Variants in USP24 observed in about 807,000 individuals in gnomAD.
USP24 encodes ubiquitin carboxyl-terminal hydrolase 24.
USP24 carries 97 observed loss-of-function variants against 361.6 expected under a neutral mutation model. The observed-to-expected ratio is 0.27, with a 90% confidence interval of 0.23 to 0.32. The LOEUF (loss-of-function observed/expected upper bound fraction) is 0.32, where lower values mean the gene tolerates loss of function less well. USP24 is among the 10% of genes least tolerant of loss of function. The pLI, the probability that USP24 is intolerant of heterozygous loss-of-function variation, is 1.00. For missense variants in USP24, 2,353 were observed against 3,165.6 expected (o/e 0.74, Z 6.16); for synonymous variants, 1,098 against 1,124.6 (o/e 0.98, Z 0.47).
intron 38 of USP24, among the ~76,000 whole-genome samples, chr1:55,116,749 T>C (rs1162015677): frequency 1.3e-5 from 2 of 151,380 alleles, no homozygotes; most frequent in Non-Finnish European, 2.9e-5. Flanking sequence ...CCAGATGGCT[T>C]CACTGGTGAA....
intron 44 of USP24, 63 bp from the exon 45 acceptor site, chr1:55,099,932 G>A (rs1645590244): frequency 3.2e-6 from 4 of 1,254,458 alleles, no homozygotes; most frequent in Non-Finnish European, 4.5e-6. Context: ...TGGTAGAAAG[G>A]GAACATGAAA....
intron 1 of USP24, among the ~76,000 whole-genome samples, chr1:55,180,447 A>G (rs1205005350): frequency 6.6e-6 from 1 of 152,136 alleles, no homozygotes; most frequent in Non-Finnish European, 1.5e-5. Context: ...CCAGCCCCTG[A>G]AGGCCAGAGG....
intron 32 of USP24, among the ~76,000 whole-genome samples, chr1:55,126,969 C>G (rs962694819): frequency 2.0e-5 from 3 of 152,172 alleles, no homozygotes; most frequent in African/African-American, 7.2e-5. Flanking sequence ...TTTCTTTTAT[C>G]TTTATTCTTT....
At chr1:55,187,916 G>GACAA (rs1165647696) in intron 1 of USP24, among the ~76,000 whole-genome samples, 1 of 151,984 alleles carries the variant, frequency 6.6e-6, no homozygotes, top group Non-Finnish European at 1.5e-5. Flanking sequence ...TGCAAAAAAC[G>GACAA]ACAATCTAAC....
chr1:55,183,148 T>A (rs991164960), intron 1 of USP24, among the ~76,000 whole-genome samples: 10 of 152,162 alleles, frequency 6.6e-5, no homozygotes, highest in Non-Finnish European at 1.3e-4. Context: ...AAACAGAAAT[T>A]ATTATGTGTT....
In USP24 at chr1:55,100,944, A is replaced by T. The variant is rs758709188; in HGVS notation, c.5166T>A (p.Asp1722Glu). ...CGCTATCATCTGGATTGTCTGTGTC[A>T]TCATCCACTGAAAGTAATGACTGCA... ...GLPESLLSVD[D>E]DTDNPDDSVF... Residue 1722 changes from aspartate to glutamate, a missense_variant, in exon 44 of 68, where the codon GAT (aspartate) becomes GAA (glutamate). Coordinates refer to ENST00000294383, the MANE Select transcript of USP24 (RefSeq NM_015306.3). 3.7e-6 allele frequency: 6 copies of T among 1,611,898 alleles called. No individual in the cohort carries two copies. Among genetic ancestry groups the T allele is most frequent in the Middle Eastern group, 1.7e-4 (1 of 6,056 alleles).
chr1:55,076,386 A>G (rs1191921071), intron 62 of USP24, among the ~76,000 whole-genome samples: 1 of 152,248 alleles, frequency 6.6e-6, no homozygotes, highest in Non-Finnish European at 1.5e-5. Flanking sequence ...CTTGAAAAAT[A>G]AGCTTTTAAC....
intron 1 of USP24, among the ~76,000 whole-genome samples, chr1:55,199,556 T>C (rs1350704173): frequency 6.6e-6 from 1 of 151,922 alleles, no homozygotes; most frequent in Admixed American, 6.6e-5. Context: ...TGTCTTGACA[T>C]TTGCAACTTA....
chr1:55,199,588 AGTGTGTGTGTGTGT>A (rs55710750), intron 1 of USP24, among the ~76,000 whole-genome samples: 1 of 146,386 alleles, frequency 6.8e-6, no homozygotes, highest in South Asian at 2.2e-4. Context: ...GTTCAGAAAA[AGTGTGTGTGTGTGT>A]GTGTGTGTGT....
Position 55,214,903 on chromosome 1 carries a change from G to T in USP24, c.211C>A (p.Arg71=). 7.8e-7 allele frequency: 1 copy of T among 1,275,832 alleles called. No individual in the cohort carries two copies. 79.0% of individuals were successfully genotyped at this position (1,275,832 alleles called of 1,614,324 possible). A position where few individuals can be genotyped will look rare whatever the true frequency, so the allele number is the denominator to read the frequency against. Residue 71 remains arginine (R), a synonymous_variant, in exon 1 of 68, where the codon CGG becomes AGG. Transcript: ENST00000294383. ...CCGCCGTCACCTCCGCCGTCGCCCC[G>T]CGGGCCCCCGCCGGGCCCGGGGCTG... The part of the protein sequence containing the change: ...GPSPGPGGGP[R]GDGGGDGGGG...
Position 55,143,535 on chromosome 1 carries a change from A to G in USP24, c.2440-416T>C, listed in dbSNP as rs376454466. Among the ~76,000 whole-genome samples, 140 of 152,288 alleles carry G rather than the reference A, an allele frequency of 9.2e-4. 4 individuals carry two copies. In the South Asian group the frequency reaches 0.027, roughly 30 times the overall value. On this transcript the variant is annotated intron_variant, in intron 21 of 67. Transcript: ENST00000294383. ...TGGTCTTTCTAAAGCTCAGTAGTAA[A>G]CAGTAGGACCCAGGGCTTGTAAAAT... is the stretch of plus-strand genomic sequence containing the variant.
At chr1:55,109,997 A>C (rs534741) in intron 39 of USP24, among the ~76,000 whole-genome samples, 188 bp downstream of exon 39, 100,055 of 152,158 alleles carry the variant, frequency 0.66, 36,218 homozygotes, top group East Asian at 0.91. Context: ...ATGACTGGTT[A>C]TGTAACAGAA....
chr1:55,155,696 G>C (rs553135017), intron 12 of USP24, among the ~76,000 whole-genome samples: 2 of 152,138 alleles, frequency 1.3e-5, no homozygotes, highest in Non-Finnish European at 2.9e-5. Context: ...TCCTCTGCCA[G>C]CCAACTTCCT....
In USP24 at chr1:55,073,921, A is replaced by G. The variant is rs543828329; in HGVS notation, c.7448-15T>C. On this transcript the variant is annotated splice_polypyrimidine_tract_variant and intron_variant, in intron 63 of 67. Transcript: ENST00000294383. ...GTGCATCAAAGCTGAGGGAAGAGAA[A>G]AGGACATTTTAACAATAAAAGACTC... 6.4e-6 allele frequency: 10 copies of G among 1,558,630 alleles called. No individual in the cohort carries two copies. In the African/African-American group the frequency reaches 6.8e-5, roughly 11 times the overall value.
In USP24 at chr1:55,110,571, A is replaced by G. The variant is rs559850058; in HGVS notation, c.4509-325T>C. On this transcript the variant is annotated intron_variant, in intron 38 of 67. Transcript: ENST00000294383. ...TTCAACCAGTATCTACTAAGCACCTACAAATGCCTGGAACTGTTTTGGGAG... is the reference window on the plus strand; with the variant it reads ...TTCAACCAGTATCTACTAAGCACCTGCAAATGCCTGGAACTGTTTTGGGAG... Among the ~76,000 whole-genome samples the G allele has an allele frequency of 2.9e-3, 445 of 152,326 alleles. 1 individual carries two copies. The highest frequency in any genetic ancestry group is 5.6e-3 in the Non-Finnish European group (379 of 67,994).
At chr1:55,079,512 A>T in intron 60 of USP24, 26 bp downstream of exon 60, 1 of 1,556,428 alleles carries the variant, frequency 6.4e-7, no homozygotes. Flanking sequence ...AGGGAAAAAA[A>T]TGGCTTTAGA....
chr1:55,133,170 A>G (rs891076888), intron 30 of USP24, among the ~76,000 whole-genome samples: 12 of 152,352 alleles, frequency 7.9e-5, no homozygotes, highest in South Asian at 2.1e-4. Context: ...ACTAAATTAT[A>G]AAATAGAAAA....
At chr1:55,163,618 T>C (rs532022928) in intron 7 of USP24, among the ~76,000 whole-genome samples, 1 of 152,184 alleles carries the variant, frequency 6.6e-6, no homozygotes, top group African/African-American at 2.4e-5. Context: ...AATGAGACTA[T>C]TATGAAATGG....
rs1393157343 is a variant in USP24, at chr1:55,178,150, A to T, written c.325-18T>A. On this transcript the variant is annotated intron_variant, in intron 1 of 67. Transcript: ENST00000294383. ...TCATTCTTCTGACGAAAAGGGATTA[A>T]GATAAAAAGCAAATAAAACTAATTA... 1.4e-6 allele frequency: 2 copies of T among 1,464,258 alleles called. No homozygotes were observed. Among genetic ancestry groups the T allele is most frequent in the Admixed American group, 2.5e-5 (1 of 40,608 alleles). 90.7% of individuals were successfully genotyped at this position (1,464,258 alleles called of 1,614,324 possible).
Sources: gnomAD v4.1 joint callset for allele counts (sites outside exome capture counted in the v4.1 genomes callset) on GRCh38, gnomAD v4.1.1 for gene constraint, MANE v1.5 for transcripts, NCBI Gene and HGNC (gene_info 2026-07-23, HGNC 2026-07-21) for gene names.